The following CNBD1 variants were observed in gnomAD, a reference collection of about 807,000 sequenced individuals.
CNBD1 encodes the protein cyclic nucleotide binding domain containing 1.
CNBD1 carries 71 observed loss-of-function variants against 54.4 expected under a neutral mutation model. The observed-to-expected ratio is 1.30, with a 90% CI of 1.08 to 1.59. The LOEUF is 1.59. Among genes scored for constraint, CNBD1 ranks in the 40% most tolerant of loss-of-function variants. The pLI is 0.00. For synonymous variants in CNBD1, 182 were observed against 170.7 expected (o/e 1.07, Z -0.51); for missense variants, 659 against 518.0 (o/e 1.27, Z -2.64).
At position 87,322,810 on chromosome 8, in the gene CNBD1, T is replaced by G. The variant is rs1025131382; in HGVS notation, c.1043-28875T>G. Among the ~76,000 whole-genome samples, 13 of 102,212 alleles carry G rather than the reference T, an allele frequency of 1.3e-4. 1 individual carries two copies. In the South Asian group the frequency reaches 2.3e-3, roughly 18 times the overall value. 67.1% of individuals were successfully genotyped at this position (102,212 alleles called of 152,430 possible). A position where few individuals can be genotyped will look rare whatever the true frequency, so the allele number is the denominator to read the frequency against. On this transcript the variant is annotated intron_variant, in intron 8 of 10. Transcript: ENST00000518476. ...CTGTGCAGAAGCTCTTTAGTTTAAT[T>G]AGATCCCATTTGTCAATTTTGTCTT... is the stretch of plus-strand genomic sequence containing the variant.
At chr8:87,348,753 C>G (rs973848991) in intron 8 of CNBD1, among the ~76,000 whole-genome samples, 1 of 152,128 alleles carries the variant, frequency 6.6e-6, no homozygotes, top group Non-Finnish European at 1.5e-5. Context: ...AGTGCTGATG[C>G]TAATAGCCAG....
intron 5 of CNBD1, among the ~76,000 whole-genome samples, chr8:87,223,194 C>A (rs1814382496): frequency 6.7e-6 from 1 of 149,992 alleles, no homozygotes; most frequent in African/African-American, 2.4e-5. Flanking sequence ...TACCTCCCCA[C>A]CTTTTTGCTT....
chr8:87,226,933 G>T (rs951741637), intron 5 of CNBD1, among the ~76,000 whole-genome samples: 1 of 151,644 alleles, frequency 6.6e-6, no homozygotes, highest in South Asian at 2.1e-4. Context: ...CCTCTATTGG[G>T]TGCATATATA....
intron 8 of CNBD1, among the ~76,000 whole-genome samples, chr8:87,290,828 A>C (rs1224558687): frequency 1.3e-5 from 2 of 152,156 alleles, no homozygotes; most frequent in Non-Finnish European, 1.5e-5. Flanking sequence ...ATGTGAAGAC[A>C]GCTGTTAATT....
intron 4 of CNBD1, among the ~76,000 whole-genome samples, chr8:87,060,445 A>T (rs142279312): frequency 1.3e-5 from 2 of 152,338 alleles, no homozygotes; most frequent in East Asian, 3.9e-4. Context: ...TAATTTTATT[A>T]TAGGAGATAA....
At chr8:87,220,171 CTT>C (rs1318650616) in intron 5 of CNBD1, among the ~76,000 whole-genome samples, 9 of 151,940 alleles carry the variant, frequency 5.9e-5, no homozygotes, top group African/African-American at 2.2e-4. Context: ...TTTAAAGTAA[CTT>C]AATGCTATGA....
At chr8:86,900,477 G>A (rs528671131) in intron 2 of CNBD1, among the ~76,000 whole-genome samples, 13 of 152,138 alleles carry the variant, frequency 8.5e-5, no homozygotes, top group Non-Finnish European at 7.4e-5. Flanking sequence ...TCCATTAAAA[G>A]TGAGGCTTCT....
At chr8:87,025,245 G>A (rs1364989302) in intron 4 of CNBD1, among the ~76,000 whole-genome samples, 1 of 152,180 alleles carries the variant, frequency 6.6e-6, no homozygotes, top group Non-Finnish European at 1.5e-5. Flanking sequence ...CCAATCCCCA[G>A]GATGTGGGTG....
intron 3 of CNBD1, among the ~76,000 whole-genome samples, chr8:86,922,068 T>G (rs1809283491): frequency 6.6e-6 from 1 of 152,014 alleles, no homozygotes; most frequent in African/African-American, 2.4e-5. Context: ...AATGTTTAAG[T>G]TGAAGGATAA....
At chr8:87,037,527 C>T (rs1214792569) in intron 4 of CNBD1, among the ~76,000 whole-genome samples, 1 of 151,856 alleles carries the variant, frequency 6.6e-6, no homozygotes, top group Non-Finnish European at 1.5e-5. Flanking sequence ...TTATATTTTC[C>T]AGTTTATCCT....
At chr8:86,899,759 C>T (rs1808904788) in intron 2 of CNBD1, among the ~76,000 whole-genome samples, 1 of 152,058 alleles carries the variant, frequency 6.6e-6, no homozygotes. Flanking sequence ...TAACATGTGG[C>T]CTAAATTATG....
intron 5 of CNBD1, among the ~76,000 whole-genome samples, chr8:87,228,396 T>C (rs1253601233): frequency 6.7e-6 from 1 of 148,994 alleles, no homozygotes; most frequent in Non-Finnish European, 1.5e-5. Flanking sequence ...TCTTTGATGA[T>C]GGTGATGTAC....
chr8:87,297,251 T>G (rs948362806), intron 8 of CNBD1, among the ~76,000 whole-genome samples: 3 of 150,976 alleles, frequency 2.0e-5, no homozygotes, highest in Non-Finnish European at 4.4e-5. Context: ...GTGACCAACA[T>G]AAAAATTACT....
At chr8:87,425,064 A>C (rs1235111393) in intron 2 of CNBD1, among the ~76,000 whole-genome samples, 4 of 151,550 alleles carry the variant, frequency 2.6e-5, no homozygotes, top group African/African-American at 9.7e-5. Flanking sequence ...GCTTCATTTC[A>C]TTCATTTCAT....
intron 4 of CNBD1, among the ~76,000 whole-genome samples, chr8:87,103,242 A>G (rs956252040): frequency 5.3e-5 from 8 of 152,288 alleles, no homozygotes; most frequent in African/African-American, 1.9e-4. Context: ...AAAGAAATGG[A>G]AAAAAGAAGG....
intron 2 of CNBD1, among the ~76,000 whole-genome samples, chr8:87,409,921 G>A (rs1370518482): frequency 5.3e-5 from 8 of 152,018 alleles, no homozygotes; most frequent in Non-Finnish European, 1.2e-4. Context: ...TACTCAGGAG[G>A]CTGAGGCAGG....
intron 8 of CNBD1, among the ~76,000 whole-genome samples, chr8:87,321,428 G>A (rs1287255114): frequency 6.6e-6 from 1 of 152,094 alleles, no homozygotes; most frequent in African/African-American, 2.4e-5. Context: ...ATTTTGATTT[G>A]TGTTTGTGTA....
chr8:87,127,963 G>A (rs185455013), intron 4 of CNBD1, among the ~76,000 whole-genome samples: 2 of 152,052 alleles, frequency 1.3e-5, no homozygotes, highest in Non-Finnish European at 2.9e-5. Context: ...CCAAACCCCC[G>A]GCTCCACGAG....
intron 10 of CNBD1, among the ~76,000 whole-genome samples, chr8:87,360,061 T>A (rs184021379): frequency 7.2e-5 from 11 of 152,134 alleles, no homozygotes; most frequent in Admixed American, 1.3e-4. Flanking sequence ...TACTCTCTAT[T>A]TGGTCTTATG....
Sources: gnomAD v4.1 joint callset for allele counts (sites outside exome capture counted in the v4.1 genomes callset) on GRCh38, gnomAD v4.1.1 for gene constraint, MANE v1.5 for transcripts, NCBI Gene and HGNC (gene_info 2026-07-23, HGNC 2026-07-21) for gene names.